Variants in PCDHA8 observed in about 807,000 individuals in gnomAD.
PCDHA8 encodes the protein protocadherin alpha-8.
A neutral mutation model predicts 61.8 loss-of-function variants in PCDHA8; 53 were observed. The observed-to-expected ratio is 0.86, with a 90% CI of 0.69 to 1.08. PCDHA8 has a LOEUF of 1.08. PCDHA8 is among the 50% of genes least tolerant of loss of function. PCDHA8 has a pLI of 0.00. For missense variants in PCDHA8, 1,293 were observed against 1,245.0 expected (o/e 1.04, Z -0.58); for synonymous variants, 618 against 556.6 (o/e 1.11, Z -1.55).
chr5:140,967,515 C>G, intron 1 of PCDHA8: 1 of 1,612,792 alleles, frequency 6.2e-7, no homozygotes, highest in Non-Finnish European at 8.5e-7. Flanking sequence ...GTCCTGGACA[C>G]TAACGACAAC....
chr5:140,941,255 C>CTTTCTTTCTTTCTTTCTTTCTCTT (rs782490896), intron 1 of PCDHA8, among the ~76,000 whole-genome samples: 1 of 44,508 alleles, frequency 2.2e-5, no homozygotes, highest in Non-Finnish European at 5.1e-5. Flanking sequence ...TTCTTTCTTT[C>CTTTCTTTCTTTCTTTCTTTCTCTT]TCTTTCTTTC....
At chr5:140,969,004 T>C (rs1554231338) in intron 1 of PCDHA8, 2 of 1,614,060 alleles carry the variant, frequency 1.2e-6, no homozygotes, top group East Asian at 2.2e-5. Flanking sequence ...GAGGCTTCTG[T>C]GGAGTAAGGG....
intron 1 of PCDHA8, chr5:140,871,125 G>T (rs1387416665): frequency 6.2e-7 from 1 of 1,613,330 alleles, no homozygotes; most frequent in Non-Finnish European, 8.5e-7. Context: ...GCGGACAGGC[G>T]CCAAAGGCCT....
At chr5:140,990,552 C>G (rs1379026755) in intron 3 of PCDHA8, among the ~76,000 whole-genome samples, 5 of 152,130 alleles carry the variant, frequency 3.3e-5, no homozygotes, top group African/African-American at 1.2e-4. Flanking sequence ...CTGTATTACC[C>G]AAGAACACAC....
At chr5:140,956,147 C>T (rs150480657) in intron 1 of PCDHA8, among the ~76,000 whole-genome samples, 5,358 of 152,186 alleles carry the variant, frequency 0.035, 121 homozygotes, top group Non-Finnish European at 0.052. Context: ...ATTTCTTTCT[C>T]TTTCCTAATT....
chr5:140,939,171 T>C (rs2092330047), intron 1 of PCDHA8, among the ~76,000 whole-genome samples: 1 of 152,170 alleles, frequency 6.6e-6, no homozygotes. Flanking sequence ...TGTCTGGTAA[T>C]GGCCCACTCC....
At chr5:140,862,919 T>C (rs782169280) in intron 1 of PCDHA8, 73 of 546,740 alleles carry the variant, frequency 1.3e-4, no homozygotes, top group Non-Finnish European at 2.4e-4. Flanking sequence ...GCGCCTTGGG[T>C]GGGCTGGCGG....
chr5:140,966,490 T>C lies in PCDHA8; in HGVS notation c.2395-12459T>C, dbSNP rs533525977. 6.2e-5 allele frequency: 27 copies of C among 438,082 alleles called. No individual in the cohort carries two copies. In the Admixed American group the frequency reaches 1.1e-3, roughly 18 times the overall value. The allele number at this position is 438,082 out of a possible 1,614,324, so 27.1% of individuals were successfully genotyped here. On this transcript the variant is annotated intron_variant, in intron 1 of 3. Coordinates refer to ENST00000531613, the MANE Select transcript of PCDHA8 (RefSeq NM_018911.3). ...CCTTCTGTTTCCTTTTCCCTCCCCC[T>C]GGAGCTGTAGCGGCAGCAGCAGCAG... is the stretch of plus-strand genomic sequence containing the variant.
chr5:140,930,794 T>G (rs2087114829), intron 1 of PCDHA8, among the ~76,000 whole-genome samples: 1 of 152,200 alleles, frequency 6.6e-6, no homozygotes, highest in Non-Finnish European at 1.5e-5. Context: ...TATAATAGAA[T>G]CCAGCATATA....
At chr5:140,866,776 T>A (rs1554160548) in intron 1 of PCDHA8, 1 of 152,168 alleles carries the variant, frequency 6.6e-6, no homozygotes, top group African/African-American at 2.4e-5. Flanking sequence ...AGATTGTATG[T>A]CCTGACTGAT....
At chr5:140,947,627 A>C (rs1375142600) in intron 1 of PCDHA8, among the ~76,000 whole-genome samples, 1 of 151,696 alleles carries the variant, frequency 6.6e-6, no homozygotes, top group Non-Finnish European at 1.5e-5. Context: ...ATATTGAGTC[A>C]TCAGATCGTA....
At chr5:140,942,638 A>T (rs1478847405) in intron 1 of PCDHA8, among the ~76,000 whole-genome samples, 1 of 152,122 alleles carries the variant, frequency 6.6e-6, no homozygotes, top group Non-Finnish European at 1.5e-5. Context: ...AAATGGCAAA[A>T]GAGATCTCAT....
chr5:140,993,462 TCACACACACACACACA>T (rs3836747), intron 3 of PCDHA8, among the ~76,000 whole-genome samples: 191 of 141,044 alleles, frequency 1.4e-3, no homozygotes, highest in African/African-American at 3.8e-3. Context: ...TCTTTCTTTC[TCACACACACACACACA>T]CACACACACA....
intron 1 of PCDHA8, among the ~76,000 whole-genome samples, chr5:140,935,731 T>C (rs923257790): frequency 2.6e-5 from 4 of 152,202 alleles, no homozygotes; most frequent in Non-Finnish European, 4.4e-5. Context: ...AGAAGTCTAG[T>C]ATCTATTATT....
chr5:140,858,904 C>A (rs2045655579), intron 1 of PCDHA8: 1 of 197,854 alleles, frequency 5.1e-6, no homozygotes, highest in East Asian at 1.5e-4. Context: ...TGTAGCGTAC[C>A]ACAGCTTATA....
At chr5:140,981,982 A>G (rs1026116713) in intron 2 of PCDHA8, among the ~76,000 whole-genome samples, 6 of 152,218 alleles carry the variant, frequency 3.9e-5, no homozygotes, top group Admixed American at 2.0e-4. Context: ...AAAGAGTAAA[A>G]TAGAAAATAA....
chr5:140,867,407 T>C (rs1376336154), intron 1 of PCDHA8: 1 of 152,154 alleles, frequency 6.6e-6, no homozygotes, highest in African/African-American at 2.4e-5. Flanking sequence ...ATATGTCTCC[T>C]TTAATTTTTT....
chr5:140,887,196 A>T (rs180902279), intron 1 of PCDHA8, among the ~76,000 whole-genome samples: 49 of 151,316 alleles, frequency 3.2e-4, no homozygotes, highest in African/African-American at 1.1e-3. Context: ...TCCCGGGTTC[A>T]CGCCATTCTC....
chr5:141,008,941 G>T, intron 3 of PCDHA8, among the ~76,000 whole-genome samples: 1 of 152,140 alleles, frequency 6.6e-6, no homozygotes, highest in East Asian at 1.9e-4. Context: ...TCTTGTTTTG[G>T]ACAAAATAGA....
Sources: gnomAD v4.1 joint callset for allele counts (sites outside exome capture counted in the v4.1 genomes callset) on GRCh38, gnomAD v4.1.1 for gene constraint, MANE v1.5 for transcripts, NCBI Gene and HGNC (gene_info 2026-07-23, HGNC 2026-07-21) for gene names.